RBFOX1: variants seen among roughly 807,000 people sequenced by gnomAD.
RBFOX1 encodes RNA binding protein fox-1 homolog 1.
RBFOX1 carries 8 observed loss-of-function variants against 57.7 expected under a neutral mutation model. The observed-to-expected ratio is 0.14, with a 90% CI of 0.08 to 0.25. The LOEUF is 0.25. Ranked by LOEUF, RBFOX1 falls within the 10% of genes least tolerant of loss-of-function variation. RBFOX1 has a pLI of 1.00. For missense variants in RBFOX1, 611 were observed against 548.5 expected (o/e 1.11, Z -1.14); for synonymous variants, 326 against 222.4 (o/e 1.47, Z -4.15).
intron 3 of RBFOX1, among the ~76,000 whole-genome samples, chr16:7,051,106 G>A (rs546559127): frequency 3.3e-5 from 5 of 152,092 alleles, no homozygotes; most frequent in East Asian, 3.9e-4. Flanking sequence ...CCTGGAAGTC[G>A]GGAGTTGTTT....
intron 4 of RBFOX1, among the ~76,000 whole-genome samples, chr16:5,874,769 C>T (rs1025108342): frequency 6.6e-6 from 1 of 152,018 alleles, no homozygotes; most frequent in African/African-American, 2.4e-5. Context: ...TGTAGCAAGA[C>T]CCTCTCTCTC....
upstream of RBFOX1, among the ~76,000 whole-genome samples, chr16:6,018,082 A>T (rs2095008308): frequency 1.3e-5 from 2 of 152,166 alleles, no homozygotes; most frequent in African/African-American, 4.8e-5. Context: ...GACCTTGAAC[A>T]AATTACAACT....
chr16:7,539,507 G>A (rs1196655981), intron 5 of RBFOX1, among the ~76,000 whole-genome samples: 1 of 152,172 alleles, frequency 6.6e-6, no homozygotes, highest in Non-Finnish European at 1.5e-5. Flanking sequence ...GTGACATATT[G>A]TCCATGATCT....
At chr16:7,687,144 A>G (rs2076239616) in intron 14 of RBFOX1, among the ~76,000 whole-genome samples, 2 of 152,110 alleles carry the variant, frequency 1.3e-5, no homozygotes, top group African/African-American at 4.8e-5. Flanking sequence ...TTGTCTGTGT[A>G]TACCCTGTCT....
intron 4 of RBFOX1, among the ~76,000 whole-genome samples, chr16:7,258,080 G>A (rs1244285100): frequency 6.6e-6 from 1 of 152,118 alleles, no homozygotes; most frequent in Admixed American, 6.5e-5. Context: ...AAATTCAGTT[G>A]GCCATATTCT....
rs1341937999 is a variant in RBFOX1 at position 7,145,608 on chromosome 16, G to T, written c.27+93510G>T. On this transcript the variant is annotated intron_variant, in intron 4 of 15. Coordinates refer to ENST00000550418, the MANE Select transcript of RBFOX1 (RefSeq NM_018723.4). ...CACTTACTGTGTTTTACCCCTCTCG[G>T]TTATGTTAGTGGGGGTATTTAGGAA... Among the ~76,000 whole-genome samples the T allele has an allele frequency of 1.1e-4, 17 of 152,094 alleles. 1 individual carries two copies. Among genetic ancestry groups the T allele is most frequent in the African/African-American group, 1.7e-4 (7 of 41,398 alleles).
chr16:6,790,643 A>C (rs967629989), intron 3 of RBFOX1, among the ~76,000 whole-genome samples: 1 of 152,034 alleles, frequency 6.6e-6, no homozygotes, highest in African/African-American at 2.4e-5. Flanking sequence ...TAGGACTCTG[A>C]GCTTCCTGTT....
At chr16:7,450,164 G>A (rs1358090170) in intron 4 of RBFOX1, among the ~76,000 whole-genome samples, 1 of 152,104 alleles carries the variant, frequency 6.6e-6, no homozygotes, top group Non-Finnish European at 1.5e-5. Context: ...GGGAGATGGA[G>A]GTGGGTGGAT....
intron 3 of RBFOX1, among the ~76,000 whole-genome samples, chr16:5,762,698 A>C (rs1462885205): frequency 3.3e-5 from 5 of 152,226 alleles, no homozygotes; most frequent in Non-Finnish European, 5.9e-5. Flanking sequence ...ACGGGGAAAA[A>C]AATCAAATAA....
intron 1 of RBFOX1, among the ~76,000 whole-genome samples, chr16:6,294,856 G>T (rs76079800): frequency 0.014 from 2,087 of 152,192 alleles, 51 homozygotes; most frequent in African/African-American, 0.047. Flanking sequence ...CTGTGGTGCT[G>T]CACATTTACA....
chr16:7,171,508 T>C (rs981888097), intron 4 of RBFOX1, among the ~76,000 whole-genome samples: 1 of 152,232 alleles, frequency 6.6e-6, no homozygotes, highest in Non-Finnish European at 1.5e-5. Flanking sequence ...GTGTGAATCC[T>C]TAATGTGACA....
chr16:5,274,525 T>C (rs2063095323), intron 1 of RBFOX1, among the ~76,000 whole-genome samples: 1 of 152,016 alleles, frequency 6.6e-6, no homozygotes, highest in Non-Finnish European at 1.5e-5. Flanking sequence ...CGAGACTGGG[T>C]CTTAAAACTA....
chr16:7,339,191 C>T (rs930008299), intron 4 of RBFOX1, among the ~76,000 whole-genome samples: 4 of 152,130 alleles, frequency 2.6e-5, no homozygotes, highest in African/African-American at 9.7e-5. Flanking sequence ...AAAACAAAAG[C>T]AGGAAGGCCT....
At chr16:6,265,092 C>T (rs1000690280) in intron 1 of RBFOX1, among the ~76,000 whole-genome samples, 2 of 152,100 alleles carry the variant, frequency 1.3e-5, no homozygotes, top group Non-Finnish European at 2.9e-5. Flanking sequence ...CCCTACAAGC[C>T]ATTCAACAAC....
At chr16:5,270,968 A>T (rs930372325) in intron 1 of RBFOX1, 3 of 349,832 alleles carry the variant, frequency 8.6e-6, no homozygotes, top group African/African-American at 6.8e-5. Context: ...TCAGACTTAT[A>T]ACAGTGGCAA....
chr16:5,687,501 C>G (rs1193017260), intron 3 of RBFOX1, among the ~76,000 whole-genome samples: 3 of 152,184 alleles, frequency 2.0e-5, no homozygotes, highest in Admixed American at 2.0e-4. Flanking sequence ...CATTCTGAAG[C>G]TATGTTCGAA....
At chr16:7,215,969 C>G (rs538676109) in intron 4 of RBFOX1, among the ~76,000 whole-genome samples, 2 of 152,138 alleles carry the variant, frequency 1.3e-5, no homozygotes, top group Non-Finnish European at 2.9e-5. Flanking sequence ...GTGATCCGCA[C>G]GCCTCGGCCT....
chr16:6,209,726 G>C (rs1312289908), intron 1 of RBFOX1, among the ~76,000 whole-genome samples: 1 of 152,202 alleles, frequency 6.6e-6, no homozygotes, highest in Non-Finnish European at 1.5e-5. Flanking sequence ...ATTGTCACTG[G>C]ATGATTGAAT....
intron 1 of RBFOX1, among the ~76,000 whole-genome samples, chr16:6,191,673 C>A (rs1246236299): frequency 6.6e-6 from 1 of 152,114 alleles, no homozygotes; most frequent in Non-Finnish European, 1.5e-5. Flanking sequence ...AAGGCAATTT[C>A]TGTTGCCTTT....
Sources: allele counts gnomAD v4.1 joint callset (sites outside exome capture counted in the v4.1 genomes callset), GRCh38; gene constraint gnomAD v4.1.1; transcripts MANE v1.5; gene names NCBI Gene and HGNC (gene_info 2026-07-23, HGNC 2026-07-21).